Variants in PLEKHA7 observed in about 807,000 individuals in gnomAD.
PLEKHA7 encodes the protein pleckstrin homology domain-containing family A member 7.
PLEKHA7 carries 104 observed loss-of-function variants against 170.0 expected under a neutral mutation model. The ratio of observed to expected loss-of-function variants is 0.61; its 90% CI spans 0.52 to 0.72. The LOEUF (loss-of-function observed/expected upper bound fraction) is 0.72, where lower values mean the gene tolerates loss of function less well. Among genes scored for constraint, PLEKHA7 ranks in the 30% least tolerant of loss-of-function variants. The probability of loss-of-function intolerance (pLI) is 0.00; values close to 1 mark genes in which losing one functional copy is unlikely to be tolerated. For missense variants in PLEKHA7, 1,615 were observed against 1,671.7 expected (o/e 0.97, Z 0.59); for synonymous variants, 648 against 660.8 (o/e 0.98, Z 0.30).
chr11:16,779,239 C>G (rs1438949214), intron 26 of PLEKHA7, among the ~76,000 whole-genome samples: 1 of 152,192 alleles, frequency 6.6e-6, no homozygotes, highest in Non-Finnish European at 1.5e-5. Flanking sequence ...CATGCTGGCC[C>G]CTAAATTGGG....
chr11:16,943,136 C>A (rs574827609), intron 3 of PLEKHA7, among the ~76,000 whole-genome samples: 5 of 152,148 alleles, frequency 3.3e-5, no homozygotes, highest in Non-Finnish European at 5.9e-5. Flanking sequence ...TACGCAATTT[C>A]GAAACTTCTA....
chr11:16,977,284 A>C (rs1590766212), intron 3 of PLEKHA7, among the ~76,000 whole-genome samples: 1 of 151,028 alleles, frequency 6.6e-6, no homozygotes, highest in Admixed American at 6.6e-5. Flanking sequence ...CCTCCTGACC[A>C]CCTCCCTCCT....
At chr11:16,968,076 A>T (rs1289617291) in intron 3 of PLEKHA7, among the ~76,000 whole-genome samples, 1 of 152,110 alleles carries the variant, frequency 6.6e-6, no homozygotes, top group Non-Finnish European at 1.5e-5. Context: ...CAAAACCCCA[A>T]CTGAGATCTA....
chr11:16,906,631 G>T lies in PLEKHA7; in HGVS notation c.222-35449C>A, dbSNP rs177547. Among the ~76,000 whole-genome samples, 21 of 122,232 alleles carry T rather than the reference G, an allele frequency of 1.7e-4. 2 individuals are homozygous for T. The highest frequency in any genetic ancestry group is 8.7e-4 in the African/African-American group (21 of 24,152). The allele number at this position is 122,232 out of a possible 152,430, so 80.2% of individuals were successfully genotyped here. Reference sequence around the variant, plus strand: ...GTCGCGTTCACTCACTCAGTGTTCAGTGGTGCCCAGGCTGGAGTGCAGTGG... The same window carrying T: ...GTCGCGTTCACTCACTCAGTGTTCATTGGTGCCCAGGCTGGAGTGCAGTGG... On this transcript the variant is annotated intron_variant, in intron 3 of 26. Transcript: ENST00000531066.
chr11:16,955,634 TGG>T (rs1481531714), intron 3 of PLEKHA7, among the ~76,000 whole-genome samples: 2 of 152,174 alleles, frequency 1.3e-5, no homozygotes, highest in Admixed American at 6.5e-5. Context: ...ACTGCTTAGA[TGG>T]AGCTCTAAGT....
intron 3 of PLEKHA7, among the ~76,000 whole-genome samples, chr11:17,011,455 A>C (rs1410627542): frequency 6.6e-6 from 1 of 152,172 alleles, no homozygotes; most frequent in Non-Finnish European, 1.5e-5. Context: ...CTAATGTCTC[A>C]ACTCCACTTT....
At chr11:16,972,860 C>T (rs1284066947) in intron 3 of PLEKHA7, among the ~76,000 whole-genome samples, 3 of 152,178 alleles carry the variant, frequency 2.0e-5, no homozygotes, top group African/African-American at 7.2e-5. Context: ...AACTAGAAAC[C>T]TCGGCCAGTA....
intron 3 of PLEKHA7, among the ~76,000 whole-genome samples, chr11:16,891,452 T>A (rs1239381127): frequency 6.6e-6 from 1 of 152,210 alleles, no homozygotes; most frequent in African/African-American, 2.4e-5. Context: ...CACTTTGATT[T>A]TCGACTTCTT....
intron 3 of PLEKHA7, among the ~76,000 whole-genome samples, chr11:16,919,559 TA>T (rs1422131027): frequency 6.6e-6 from 1 of 151,802 alleles, no homozygotes; most frequent in African/African-American, 2.4e-5. Context: ...CCTGTAGTCC[TA>T]TCTTCTTGGG....
chr11:16,800,327 C>G (rs1275861398), intron 17 of PLEKHA7, among the ~76,000 whole-genome samples: 3 of 152,242 alleles, frequency 2.0e-5, no homozygotes, highest in Non-Finnish European at 4.4e-5. Context: ...AAAAACCACA[C>G]AGGGCCTTTC....
At position 16,814,801 on chromosome 11, in the gene PLEKHA7, G is replaced by A. The variant is rs561844989; in HGVS notation, c.1953+1377C>T. Among the ~76,000 whole-genome samples the A allele has an allele frequency of 5.3e-5, 8 of 152,294 alleles. No homozygotes were observed. The South Asian group carries it at 1.7e-3, about 32-fold the overall frequency. ...CAGGGCACCATCCAGATAAGAGAGG[G>A]CGCCCTGCATCTCCCTCCAGGCTGA... On this transcript the variant is annotated intron_variant, in intron 12 of 26. Coordinates refer to ENST00000531066, the MANE Select transcript of PLEKHA7 (RefSeq NM_001329630.2).
chr11:16,833,182 TAAC>T (rs1354177590), intron 9 of PLEKHA7, among the ~76,000 whole-genome samples: 1 of 152,042 alleles, frequency 6.6e-6, no homozygotes, highest in Non-Finnish European at 1.5e-5. Context: ...TTGCCTAAAT[TAAC>T]AAGAGGGCTT....
At chr11:16,851,029 T>C (rs1260483211) in intron 8 of PLEKHA7, among the ~76,000 whole-genome samples, 162 bp downstream of exon 8, 1 of 152,212 alleles carries the variant, frequency 6.6e-6, no homozygotes, top group Non-Finnish European at 1.5e-5. Flanking sequence ...GTACCGGTCA[T>C]GTGATATTAT....
chr11:16,787,235 C>T (rs1280284226), intron 23 of PLEKHA7: 18 of 985,402 alleles, frequency 1.8e-5, no homozygotes, highest in Non-Finnish European at 2.2e-5. Context: ...AGCCTCTCTT[C>T]CCCTGAGCAA....
intron 9 of PLEKHA7, among the ~76,000 whole-genome samples, chr11:16,835,279 A>G (rs1027384039): frequency 6.6e-6 from 1 of 152,168 alleles, no homozygotes; most frequent in African/African-American, 2.4e-5. Flanking sequence ...TCAAATAAAA[A>G]AGTGAGAGTT....
chr11:16,865,337 GA>G (rs1854297504), intron 4 of PLEKHA7, among the ~76,000 whole-genome samples: 1 of 152,190 alleles, frequency 6.6e-6, no homozygotes, highest in Admixed American at 6.5e-5. Context: ...TCCCCTGGGG[GA>G]ACAAGGCTAC....
At chr11:16,942,860 ATAG>A (rs766548261) in intron 3 of PLEKHA7, among the ~76,000 whole-genome samples, 138 of 152,378 alleles carry the variant, frequency 9.1e-4, no homozygotes, top group Non-Finnish European at 1.6e-3. Context: ...GTCTTTTAAA[ATAG>A]TAGATAAACT....
intron 3 of PLEKHA7, among the ~76,000 whole-genome samples, chr11:16,982,806 CGGAGAAAGAG>C (rs1359563107): frequency 2.1e-5 from 3 of 145,292 alleles, no homozygotes; most frequent in Non-Finnish European, 4.5e-5. Context: ...CACACACACA[CGGAGAAAGAG>C]AGACAGAGAG....
At chr11:16,831,623 C>G (rs1383612491) in intron 9 of PLEKHA7, among the ~76,000 whole-genome samples, 1 of 152,230 alleles carries the variant, frequency 6.6e-6, no homozygotes, top group African/African-American at 2.4e-5. Flanking sequence ...ATATGTGTCA[C>G]TTTTTGAAAA....
Sources: allele counts gnomAD v4.1 joint callset (sites outside exome capture counted in the v4.1 genomes callset), GRCh38; gene constraint gnomAD v4.1.1; transcripts MANE v1.5; gene names NCBI Gene and HGNC (gene_info 2026-07-23, HGNC 2026-07-21).